TRIM9: variants seen among roughly 807,000 people sequenced by gnomAD.
TRIM9 encodes E3 ubiquitin-protein ligase TRIM9.
TRIM9 carries 26 observed loss-of-function variants against 78.3 expected under a neutral mutation model. The observed-to-expected ratio is 0.33, with a 90% confidence interval of 0.24 to 0.46. The LOEUF (loss-of-function observed/expected upper bound fraction) is 0.46, where lower values mean the gene tolerates loss of function less well. Among genes scored for constraint, TRIM9 ranks in the 20% least tolerant of loss-of-function variants. The probability of loss-of-function intolerance (pLI) is 1.00; values close to 1 mark genes in which losing one functional copy is unlikely to be tolerated. For missense variants in TRIM9, 787 were observed against 1,036.4 expected, an observed-to-expected ratio of 0.76 and a Z score of 3.30; for synonymous variants, 398 against 416.5, an observed-to-expected ratio of 0.96 and a Z score of 0.54.
At chr14:51,053,431 T>C (rs1324607851) in intron 1 of TRIM9, among the ~76,000 whole-genome samples, 1 of 151,202 alleles carries the variant, frequency 6.6e-6, no homozygotes, top group Non-Finnish European at 1.5e-5. Context: ...GTACTCAGTT[T>C]GTATCAGTTT....
At chr14:51,061,453 G>T (rs995428326) in intron 1 of TRIM9, among the ~76,000 whole-genome samples, 18 of 148,594 alleles carry the variant, frequency 1.2e-4, no homozygotes, top group Non-Finnish European at 2.4e-4. Flanking sequence ...ACTTTTTATT[G>T]TAAGGATATA....
At chr14:51,075,788 A>G (rs772135980) in intron 1 of TRIM9, among the ~76,000 whole-genome samples, 20 of 152,122 alleles carry the variant, frequency 1.3e-4, no homozygotes, top group Non-Finnish European at 2.8e-4. Context: ...TGAATTTCTC[A>G]TTGCTCTTGG....
chr14:51,050,010 C>T (rs1046340970), intron 1 of TRIM9, among the ~76,000 whole-genome samples: 23 of 151,790 alleles, frequency 1.5e-4, no homozygotes, highest in African/African-American at 2.2e-4. Context: ...GATTTGTAGG[C>T]AAGAAATTTT....
chr14:50,997,785 C>T (rs936737540), intron 7 of TRIM9: 1 of 1,364,348 alleles, frequency 7.3e-7, no homozygotes, highest in Non-Finnish European at 9.4e-7. Flanking sequence ...TCAGCTTCTT[C>T]AACTGCAGCT....
chr14:51,048,473 CATCA>C (rs2060125437), intron 1 of TRIM9, among the ~76,000 whole-genome samples: 2 of 152,214 alleles, frequency 1.3e-5, no homozygotes, highest in Non-Finnish European at 2.9e-5. Context: ...CCTGTCCATC[CATCA>C]AATCCTGAGT....
At chr14:51,010,675 A>G (rs1322364070) in intron 3 of TRIM9, among the ~76,000 whole-genome samples, 181 bp from the exon 4 acceptor site, 1 of 152,130 alleles carries the variant, frequency 6.6e-6, no homozygotes, top group African/African-American at 2.4e-5. Flanking sequence ...GACAGATGGG[A>G]TAAGATTATC....
intron 10 of TRIM9, 164 bp from the exon 11 acceptor site, chr14:50,982,267 G>T: frequency 1.4e-6 from 1 of 727,016 alleles, no homozygotes; most frequent in Non-Finnish European, 2.2e-6. Context: ...CTGGGAGTTG[G>T]TACTCTCTGC....
At chr14:51,052,929 G>A (rs1477818412) in intron 1 of TRIM9, among the ~76,000 whole-genome samples, 1 of 152,050 alleles carries the variant, frequency 6.6e-6, no homozygotes, top group Non-Finnish European at 1.5e-5. Context: ...GGCTGCGGTG[G>A]GCAGATCACT....
chr14:51,068,233 C>T (rs777777491), intron 1 of TRIM9, among the ~76,000 whole-genome samples: 7 of 151,952 alleles, frequency 4.6e-5, no homozygotes, highest in African/African-American at 7.3e-5. Flanking sequence ...ATGCCAGGAC[C>T]GTGGGGATGA....
At chr14:50,994,514 A>G (rs1321594601) in intron 7 of TRIM9, among the ~76,000 whole-genome samples, 1 of 152,372 alleles carries the variant, frequency 6.6e-6, no homozygotes, top group South Asian at 2.1e-4. Context: ...ACTTTGTCCT[A>G]CAAAGTCAGA....
intron 12 of TRIM9, 90 bp from the exon 13 acceptor site, chr14:50,977,443 A>C: frequency 1.9e-6 from 2 of 1,043,650 alleles, no homozygotes; most frequent in Non-Finnish European, 2.5e-6. Flanking sequence ...TAACTCAAAA[A>C]GTGTTCTGTT....
chr14:51,057,417 T>A (rs1028511985), intron 1 of TRIM9, among the ~76,000 whole-genome samples: 1 of 152,222 alleles, frequency 6.6e-6, no homozygotes, highest in African/African-American at 2.4e-5. Context: ...TAATATTATG[T>A]CCTCTTGTAT....
chr14:50,976,349 T>C lies in TRIM9; in HGVS notation c.*942A>G, dbSNP rs1450656236. On this transcript the variant is annotated 3_prime_UTR_variant, in exon 13 of 13. Coordinates refer to ENST00000684578, the MANE Select transcript of TRIM9 (RefSeq NM_001387360.1). ...GAAAGATCTTGCCCATGAGTCTCTT[T>C]GACCCTTGCCCATTTCCTTTCTAGT... is the stretch of plus-strand genomic sequence containing the variant. The C allele has an allele frequency of 6.6e-6, 1 of 152,286 alleles. No individual in the cohort carries two copies. Among genetic ancestry groups the C allele is most frequent in the Non-Finnish European group, 1.5e-5 (1 of 68,038 alleles). The allele number at this position is 152,286 out of a possible 1,614,324, so 9.4% of individuals were successfully genotyped here.
At chr14:51,048,329 C>A (rs139045265) in intron 1 of TRIM9, among the ~76,000 whole-genome samples, 72 of 152,298 alleles carry the variant, frequency 4.7e-4, no homozygotes, top group African/African-American at 1.7e-3. Context: ...GCTTACAGAC[C>A]CTGTGGATAG....
chr14:51,094,595 C>T lies in TRIM9; in HGVS notation c.345G>A (p.Pro115=). 1 of 1,610,438 alleles carries T rather than the reference C, an allele frequency of 6.2e-7. No individual in the cohort carries two copies. The highest frequency in any genetic ancestry group is 1.1e-5 in the South Asian group (1 of 90,942). Residue 115 remains proline, a synonymous_variant, in exon 1 of 13, where the codon CCG becomes CCA. Transcript: ENST00000684578. ...AMPPPATHLS[P]ALAPVPRNSC... ...AGTTGCGGGGCACCGGGGCCAGGGC[C>T]GGTGACAAGTGGGTGGCCGGTGGCG...
intron 6 of TRIM9, among the ~76,000 whole-genome samples, chr14:50,999,091 TC>T (rs1251336867): frequency 6.6e-6 from 1 of 152,190 alleles, no homozygotes; most frequent in Non-Finnish European, 1.5e-5. Context: ...CAGTTGCTGA[TC>T]CAGTAGGTGT....
intron 1 of TRIM9, among the ~76,000 whole-genome samples, chr14:51,068,490 C>T (rs1242146141): frequency 6.6e-6 from 1 of 152,148 alleles, no homozygotes; most frequent in Non-Finnish European, 1.5e-5. Flanking sequence ...TGTGTGCCTG[C>T]AACGTGCCAA....
chr14:50,985,314 T>A (rs1309743372), intron 8 of TRIM9, among the ~76,000 whole-genome samples: 3 of 152,194 alleles, frequency 2.0e-5, no homozygotes, highest in African/African-American at 7.2e-5. Flanking sequence ...GGGTTTCTAA[T>A]TCGGCTAGCA....
At chr14:50,998,592 A>G (rs117134921) in intron 6 of TRIM9, among the ~76,000 whole-genome samples, 2,246 of 152,302 alleles carry the variant, frequency 0.015, 26 homozygotes, top group Non-Finnish European at 0.022. Context: ...CTCCTTATCC[A>G]TCAGTATGGT....
Sources: allele counts gnomAD v4.1 joint callset (sites outside exome capture counted in the v4.1 genomes callset), GRCh38; gene constraint gnomAD v4.1.1; transcripts MANE v1.5; gene names NCBI Gene and HGNC (gene_info 2026-07-23, HGNC 2026-07-21).